The following ESRRG variants were observed in gnomAD, a reference collection of about 807,000 sequenced individuals.
ESRRG encodes estrogen related receptor gamma, also known as estrogen-related receptor gamma.
Under a neutral mutation model 44.0 loss-of-function variants are expected in ESRRG, and 13 were observed. The observed-to-expected ratio is 0.30, with a 90% confidence interval of 0.19 to 0.47. The LOEUF is 0.47. Among genes scored for constraint, ESRRG ranks in the 20% least tolerant of loss-of-function variants. The probability of loss-of-function intolerance (pLI) is 1.00; values close to 1 mark genes in which losing one functional copy is unlikely to be tolerated. For synonymous variants in ESRRG, 215 were observed against 214.6 expected (o/e 1.00, Z -0.02); for missense variants, 395 against 580.6 (o/e 0.68, Z 3.29).
intron 2 of ESRRG, among the ~76,000 whole-genome samples, chr1:216,797,795 G>T (rs2094513895): frequency 6.6e-6 from 1 of 152,130 alleles, no homozygotes; most frequent in African/African-American, 2.4e-5. Context: ...ACCTGCTTAA[G>T]GTAGTGTTTG....
chr1:216,954,531 G>A lies in ESRRG; in HGVS notation c.-105-14858C>T, dbSNP rs73099406. 3.7e-3 allele frequency among the ~76,000 whole-genome samples: 562 copies of A among 152,130 alleles called. 5 individuals are homozygous for A. Among genetic ancestry groups the A allele is most frequent in the African/African-American group, 0.013 (540 of 41,496 alleles). On this transcript the variant is annotated intron_variant, in intron 1 of 7. Coordinates refer to the ESRRG transcript ENST00000359162. ...TGCATTATGCAATTTTCAATATAACGCACTAAAGGCTCCTAATTACTTGAT... is the reference window on the plus strand; with the variant it reads ...TGCATTATGCAATTTTCAATATAACACACTAAAGGCTCCTAATTACTTGAT...
chr1:216,948,896 GCACTTTT>G (rs2150051164), intron 1 of ESRRG, among the ~76,000 whole-genome samples: 1 of 152,226 alleles, frequency 6.6e-6, no homozygotes, highest in South Asian at 2.1e-4. Flanking sequence ...ACCATTTGGT[GCACTTTT>G]TCAAGGATCT....
intron 2 of ESRRG, among the ~76,000 whole-genome samples, chr1:216,893,889 A>G (rs2058108682): frequency 6.6e-6 from 1 of 152,178 alleles, no homozygotes; most frequent in Admixed American, 6.5e-5. Context: ...GCACCAAACT[A>G]CAGGAATCAA....
chr1:217,003,015 A>G (rs1057464858), intron 1 of ESRRG, among the ~76,000 whole-genome samples: 1 of 152,216 alleles, frequency 6.6e-6, no homozygotes, highest in Admixed American at 6.5e-5. Context: ...TAACTGTTAT[A>G]TTCCAAATAA....
In ESRRG at chr1:216,912,145, G is replaced by C. The variant is rs945601327; in HGVS notation, c.-14+27437C>G. On this transcript the variant is annotated intron_variant, in intron 2 of 7. Coordinates refer to the ESRRG transcript ENST00000359162. Reference sequence around the variant, plus strand: ...GAAAAGAAAAGAAAAGAAAAGAAAAGAAAAGAAAAGAAAAGAAAAGAAAAG... The same window carrying C: ...GAAAAGAAAAGAAAAGAAAAGAAAACAAAAGAAAAGAAAAGAAAAGAAAAG... Among the ~76,000 whole-genome samples, 92 of 30,090 alleles carry C rather than the reference G, an allele frequency of 3.1e-3. 6 individuals carry two copies. The highest frequency in any genetic ancestry group is 7.9e-4 in the Non-Finnish European group (14 of 17,698). The allele number at this position is 30,090 out of a possible 152,430, so 19.7% of individuals were successfully genotyped here. A position where few individuals can be genotyped will look rare whatever the true frequency, so the allele number is the denominator to read the frequency against.
chr1:216,881,856 T>C (rs1289454931), intron 2 of ESRRG, among the ~76,000 whole-genome samples: 3 of 152,182 alleles, frequency 2.0e-5, no homozygotes, highest in Admixed American at 6.5e-5. Context: ...AACCATCTGG[T>C]AACTGACTTT....
intron 1 of ESRRG, among the ~76,000 whole-genome samples, chr1:216,945,173 C>T (rs960678511): frequency 2.0e-5 from 3 of 151,890 alleles, no homozygotes; most frequent in African/African-American, 7.3e-5. Flanking sequence ...CTGCTCTCAA[C>T]CAAGGAGGCA....
In ESRRG at chr1:216,506,301, A is replaced by G. The variant is rs2809288; in HGVS notation, c.*638T>C. 192,005 of 208,298 alleles carry G rather than the reference A, an allele frequency of 0.92. 88,712 individuals are homozygous for G. Among genetic ancestry groups the G allele is most frequent in the African/African-American group, 0.96 (40,918 of 42,816 alleles). 12.9% of individuals were successfully genotyped at this position (208,298 alleles called of 1,614,324 possible). On this transcript the variant is annotated 3_prime_UTR_variant, in exon 7 of 7. Transcript: ENST00000408911. ...CTTTGATTCCTTAGTCATTGGGGAC[A>G]GTATGGTTCACAATAAGTTCACTGG...
At chr1:216,644,264 T>C (rs932340861) in intron 3 of ESRRG, among the ~76,000 whole-genome samples, 1 of 152,112 alleles carries the variant, frequency 6.6e-6, no homozygotes, top group Non-Finnish European at 1.5e-5. Flanking sequence ...TGCTTTTACT[T>C]CATCTGGAAC....
chr1:216,628,072 T>C (rs2063491324), intron 3 of ESRRG, among the ~76,000 whole-genome samples: 1 of 152,220 alleles, frequency 6.6e-6, no homozygotes, highest in South Asian at 2.1e-4. Flanking sequence ...AGATGTATCC[T>C]GATGAATCTA....
chr1:217,055,371 G>C (rs1170009635), intron 1 of ESRRG, among the ~76,000 whole-genome samples: 1 of 152,120 alleles, frequency 6.6e-6, no homozygotes, highest in Non-Finnish European at 1.5e-5. Context: ...GGCTGTACAG[G>C]AGAACCACCT....
intron 3 of ESRRG, among the ~76,000 whole-genome samples, chr1:216,633,210 G>A (rs2064592424): frequency 6.6e-6 from 1 of 152,152 alleles, no homozygotes; most frequent in African/African-American, 2.4e-5. Context: ...GCATAATCCA[G>A]GCAGCAAGAG....
chr1:216,632,109 T>C (rs1341153962), intron 3 of ESRRG, among the ~76,000 whole-genome samples: 1 of 152,240 alleles, frequency 6.6e-6, no homozygotes, highest in African/African-American at 2.4e-5. Context: ...ACATACTCTA[T>C]CCAGTGTACT....
chr1:217,066,919 G>A (rs1054167027), intron 1 of ESRRG, among the ~76,000 whole-genome samples: 4 of 152,182 alleles, frequency 2.6e-5, no homozygotes, highest in African/African-American at 9.7e-5. Context: ...TCTCTAAAAT[G>A]TGCCTCGAAT....
intron 6 of ESRRG, among the ~76,000 whole-genome samples, chr1:216,517,943 C>T (rs2044844180): frequency 6.6e-6 from 1 of 152,100 alleles, no homozygotes; most frequent in South Asian, 2.1e-4. Flanking sequence ...TTGTTGAAAA[C>T]AATTTCCCTC....
Position 216,691,053 on chromosome 1 carries a change from A to G in ESRRG, c.57-13562T>C, listed in dbSNP as rs74813588. 3.5e-4 allele frequency among the ~76,000 whole-genome samples: 53 copies of G among 152,364 alleles called. 1 individual carries two copies. In the East Asian group the frequency reaches 9.6e-3, roughly 28 times the overall value. ...ATTTTCTTCCCTCAAAATATGTCCA[A>G]TAATAAAATGGCTTTAGGAAATCTG... On this transcript the variant is annotated intron_variant, in intron 1 of 6. Coordinates refer to ENST00000408911, the MANE Select transcript of ESRRG (RefSeq NM_001438.4).
intron 1 of ESRRG, among the ~76,000 whole-genome samples, chr1:217,008,368 C>T (rs2078060222): frequency 6.6e-6 from 1 of 152,210 alleles, no homozygotes; most frequent in Non-Finnish European, 1.5e-5. Flanking sequence ...AGAATATATG[C>T]TCAACGAAAG....
At chr1:216,859,849 A>G (rs923183648) in intron 2 of ESRRG, among the ~76,000 whole-genome samples, 2 of 152,232 alleles carry the variant, frequency 1.3e-5, no homozygotes, top group Admixed American at 6.5e-5. Context: ...AGAATTCTCA[A>G]TGTCTGGCAT....
intron 2 of ESRRG, among the ~76,000 whole-genome samples, chr1:216,912,927 G>A (rs1358610101): frequency 6.6e-6 from 1 of 151,830 alleles, no homozygotes; most frequent in Non-Finnish European, 1.5e-5. Flanking sequence ...TTCAAAAACA[G>A]CCTGGCCAAC....
Sources: gnomAD v4.1 joint callset for allele counts (sites outside exome capture counted in the v4.1 genomes callset) on GRCh38, gnomAD v4.1.1 for gene constraint, MANE v1.5 for transcripts, NCBI Gene and HGNC (gene_info 2026-07-23, HGNC 2026-07-21) for gene names.